Variants in BRD4 observed in about 807,000 individuals in gnomAD.
BRD4 encodes bromodomain-containing protein 4.
In BRD4, 16 loss-of-function variants were observed where a neutral mutation model predicts 142.1. That is an observed-to-expected ratio of 0.11 (90% CI 0.08 to 0.17). BRD4 has a LOEUF of 0.17. BRD4 is among the 10% of genes least tolerant of loss of function. The pLI is 1.00. For synonymous variants in BRD4, 833 were observed against 707.5 expected, an observed-to-expected ratio of 1.18 and a Z score of -2.82; for missense variants, 1,424 against 1,810.9, an observed-to-expected ratio of 0.79 and a Z score of 3.88.
At chr19:15,281,437 G>A (rs2047703709) in intron 1 of BRD4, among the ~76,000 whole-genome samples, 1 of 152,202 alleles carries the variant, frequency 6.6e-6, no homozygotes, top group Non-Finnish European at 1.5e-5. Flanking sequence ...CCAGGAAACT[G>A]GGCGGGACAC....
chr19:15,299,307 C>G (rs2047848930), intron 1 of BRD4, among the ~76,000 whole-genome samples: 1 of 152,206 alleles, frequency 6.6e-6, no homozygotes, highest in East Asian at 1.9e-4. Flanking sequence ...CTGGAGAGTT[C>G]TGTAACTTTC....
intron 11 of BRD4, chr19:15,248,182 T>C (rs532117290): frequency 4.5e-6 from 1 of 220,326 alleles, no homozygotes; most frequent in Admixed American, 5.8e-5. Flanking sequence ...GCTGGATTTG[T>C]GACCAAAAAA....
intron 11 of BRD4, among the ~76,000 whole-genome samples, chr19:15,252,837 G>T (rs1053504339): frequency 2.7e-4 from 41 of 152,154 alleles, no homozygotes; most frequent in Non-Finnish European, 2.9e-4. Context: ...AGGGCACCAG[G>T]CTGTCCAAGG....
intron 1 of BRD4, among the ~76,000 whole-genome samples, chr19:15,298,389 G>A (rs2047840567): frequency 6.6e-6 from 1 of 152,084 alleles, no homozygotes; most frequent in Non-Finnish European, 1.5e-5. Context: ...TGTAATCCCA[G>A]CACTTTGGGA....
intron 1 of BRD4, among the ~76,000 whole-genome samples, chr19:15,308,390 C>T (rs1321658005): frequency 6.6e-6 from 1 of 151,158 alleles, no homozygotes; most frequent in African/African-American, 2.4e-5. Flanking sequence ...AGTTCGAGAG[C>T]AGACTGGCCA....
Position 15,269,016 on chromosome 19 carries a change from A to T in BRD4, c.312T>A (p.Pro104=), listed in dbSNP as rs200761617. 207 of 1,614,092 alleles carry T rather than the reference A, an allele frequency of 1.3e-4. No individual in the cohort carries two copies. The highest frequency in any genetic ancestry group is 1.6e-4 in the Non-Finnish European group (194 of 1,180,040). ...GCTTCTTTATTGTTCCCATATCCAT[A>T]GGCGTTTTAATGATCTTATAGTAAT... ...LPDYYKIIKT[P]MDMGTIKKRL... is the part of the protein sequence containing the mutation. Residue 104 remains proline (P), a synonymous_variant, in exon 3 of 20, where the codon CCT becomes CCA. Coordinates refer to ENST00000679869, the MANE Select transcript of BRD4 (RefSeq NM_001379291.1).
chr19:15,305,547 T>C (rs1182733396), intron 1 of BRD4, among the ~76,000 whole-genome samples: 3 of 152,264 alleles, frequency 2.0e-5, no homozygotes, highest in Non-Finnish European at 2.9e-5. Flanking sequence ...GCTTAAAATA[T>C]TCTGCAAATG....
In BRD4 at chr19:15,265,738, C is replaced by A. The variant is rs973830962; in HGVS notation, c.560-95G>T. The A allele has an allele frequency of 2.5e-5, 33 of 1,330,760 alleles. No individual in the cohort carries two copies. In the Admixed American group the frequency reaches 5.6e-4, roughly 22 times the overall value. 82.4% of individuals were successfully genotyped at this position (1,330,760 alleles called of 1,614,324 possible). A position where few individuals can be genotyped will look rare whatever the true frequency, so the allele number is the denominator to read the frequency against. On this transcript the variant is annotated intron_variant, in intron 4 of 19. Transcript: ENST00000679869. Reference sequence around the variant, plus strand: ...ACATACACCACACACAGTGAACGCACATTCGCGTGTTGCATTTGCCTGAGA... The same window carrying A: ...ACATACACCACACACAGTGAACGCAAATTCGCGTGTTGCATTTGCCTGAGA...
At chr19:15,256,306 A>C (rs777147822) in intron 8 of BRD4, 43 bp from the exon 9 acceptor site, 5 of 1,585,816 alleles carry the variant, frequency 3.2e-6, no homozygotes, top group Non-Finnish European at 4.3e-6. Context: ...GGCTGAAACC[A>C]CCTTCCTGTC....
At chr19:15,332,000 C>T (rs1440738672) in intron 1 of BRD4, 6 of 143,174 alleles carry the variant, frequency 4.2e-5, no homozygotes, top group African/African-American at 1.3e-4. Flanking sequence ...CCACCCGCGC[C>T]CCGCCGGCCA....
intron 11 of BRD4, chr19:15,253,465 G>T: frequency 7.7e-7 from 1 of 1,293,824 alleles, no homozygotes; most frequent in Non-Finnish European, 1.1e-6. Context: ...AGGGTCCAAC[G>T]TGCAGACCCA....
chr19:15,278,242 A>G (rs1297061500), intron 1 of BRD4, among the ~76,000 whole-genome samples: 3 of 151,614 alleles, frequency 2.0e-5, no homozygotes, highest in Non-Finnish European at 4.4e-5. Flanking sequence ...TCCTATTAGA[A>G]AGTAACTATG....
chr19:15,301,515 C>T (rs1451231431), intron 1 of BRD4, among the ~76,000 whole-genome samples: 1 of 149,668 alleles, frequency 6.7e-6, no homozygotes, highest in Non-Finnish European at 1.5e-5. Flanking sequence ...GAGCCGAGAT[C>T]GCACCACACT....
rs147887666 is a variant in BRD4, at chr19:15,257,141, C to T, written c.1374G>A (p.Pro458=). 1.4e-5 allele frequency: 23 copies of T among 1,608,368 alleles called. No individual in the cohort carries two copies. The highest frequency in any genetic ancestry group is 4.4e-5 in the South Asian group (4 of 90,124). The part of the protein sequence containing the change: ...DVFEMRFAKM[P]DEPEEPVVAV... The stretch of plus-strand genomic sequence containing the variant: ...CCACCACTGGCTCCTCAGGCTCGTC[C>T]GGCATCTTGGCAAAGCGCATTTCGA... Residue 458 remains proline, a synonymous_variant, in exon 8 of 20, where the codon CCG becomes CCA. Transcript: ENST00000679869.
intron 1 of BRD4, among the ~76,000 whole-genome samples, chr19:15,308,118 A>C (rs2047930293): frequency 8.8e-6 from 1 of 113,374 alleles, no homozygotes; most frequent in Admixed American, 9.1e-5. Context: ...TCCGTCTCAA[A>C]AAAAAAAAAA....
At position 15,242,902 on chromosome 19, in the gene BRD4, G is replaced by A; in HGVS notation, c.3167C>T (p.Thr1056Ile). Reference protein sequence around the residue: ...PRHHKSDPYSTGHLREAPSPL... With the variant: ...PRHHKSDPYSIGHLREAPSPL... ...GTCTACGGGTGAGGACCACTTACCG[G>A]TTGAGTAGGGGTCCGACTTGTGGTG... Residue 1056 changes from threonine to isoleucine, a missense_variant and splice_region_variant, in exon 14 of 20, where the codon ACC (threonine) becomes ATC (isoleucine). Thr to Ile is a moderately conservative substitution (Grantham distance 89). Around this residue, in one of 16 missense-constraint regions of BRD4, gnomAD observed 598 missense variants for 647.8 expected, o/e 0.92. Coordinates refer to ENST00000679869, the MANE Select transcript of BRD4 (RefSeq NM_001379291.1). 6.2e-7 allele frequency: 1 copy of A among 1,605,512 alleles called. No individual in the cohort carries two copies. Among genetic ancestry groups the A allele is most frequent in the Non-Finnish European group, 8.5e-7 (1 of 1,176,874 alleles).
At chr19:15,329,238 G>A (rs1326291711) in intron 1 of BRD4, among the ~76,000 whole-genome samples, 1 of 152,038 alleles carries the variant, frequency 6.6e-6, no homozygotes, top group Admixed American at 6.6e-5. Context: ...TGAAACATTA[G>A]GAGCTCCAAT....
chr19:15,243,189 G>T lies in BRD4; in HGVS notation c.2880C>A (p.Pro960=). 2.8e-6 allele frequency: 2 copies of T among 710,416 alleles called. No homozygotes were observed. The highest frequency in any genetic ancestry group is 3.9e-5 in the South Asian group (2 of 50,912). 44.0% of individuals were successfully genotyped at this position (710,416 alleles called of 1,614,324 possible). A position where few individuals can be genotyped will look rare whatever the true frequency, so the allele number is the denominator to read the frequency against. ...GCTGCTGCACAGAGGGGTGGGGTGG[G>T]GGCGGCAGGGGGGGTGGGGGCTGGG... The part of the protein sequence containing the change: ...VQSQPPPPLP[P]PPHPSVQQQL... The change falls in exon 14 of 20, where the codon CCC becomes CCA. Residue 960 remains proline, a synonymous_variant. Coordinates refer to ENST00000679869, the MANE Select transcript of BRD4 (RefSeq NM_001379291.1).
At chr19:15,330,286 C>T (rs1260789595) in intron 1 of BRD4, among the ~76,000 whole-genome samples, 1 of 152,158 alleles carries the variant, frequency 6.6e-6, no homozygotes, top group Non-Finnish European at 1.5e-5. Flanking sequence ...AACAGAGCAG[C>T]AATACATTTT....
Sources: gnomAD v4.1 joint callset for allele counts (sites outside exome capture counted in the v4.1 genomes callset) on GRCh38, gnomAD v4.1.1 for gene constraint, gnomAD v4.1.1 regional missense constraint, MANE v1.5 for transcripts, NCBI Gene and HGNC (gene_info 2026-07-23, HGNC 2026-07-21) for gene names.